RNF214: variants seen among roughly 807,000 people sequenced by gnomAD.
RNF214 encodes the protein ring finger protein 214.
RNF214 carries 25 observed loss-of-function variants against 75.9 expected under a neutral mutation model. The observed-to-expected ratio is 0.33, with a 90% confidence interval of 0.24 to 0.46. The LOEUF is 0.46. RNF214 is among the 20% of genes least tolerant of loss of function. RNF214 has a pLI of 1.00. For missense variants in RNF214, 725 were observed against 857.5 expected, an observed-to-expected ratio of 0.85 and a Z score of 1.93; for synonymous variants, 314 against 308.8, an observed-to-expected ratio of 1.02 and a Z score of -0.18.
intron 4 of RNF214, among the ~76,000 whole-genome samples, chr11:117,243,143 A>ATTT (rs1555052418): frequency 3.8e-3 from 260 of 68,898 alleles, no homozygotes; most frequent in East Asian, 7.7e-3. Context: ...TTAATTAATT[A>ATTT]ATTAATTTAT....
At chr11:117,249,221 A>G (rs1472900272) in intron 6 of RNF214, among the ~76,000 whole-genome samples, 1 of 152,134 alleles carries the variant, frequency 6.6e-6, no homozygotes, top group Non-Finnish European at 1.5e-5. Context: ...TACCGTGCCC[A>G]GCCTTTTTTT....
At chr11:117,238,270 G>T (rs1421819879) in intron 2 of RNF214, among the ~76,000 whole-genome samples, 1 of 152,220 alleles carries the variant, frequency 6.6e-6, no homozygotes, top group Non-Finnish European at 1.5e-5. Context: ...GCTGGGCGTA[G>T]TGGCATGTGC....
In RNF214 at chr11:117,282,356, C is replaced by T. The variant is rs746228922; in HGVS notation, c.1713-48C>T. The T allele has an allele frequency of 2.2e-5, 35 of 1,602,640 alleles. No homozygotes were observed. In the Admixed American group the frequency reaches 3.0e-4, roughly 14 times the overall value. On this transcript the variant is annotated intron_variant, in intron 11 of 14. Transcript: ENST00000300650. Reference sequence around the variant, plus strand: ...CAGAGGAGGTTACATGGGTGTTCCCCGTGGGTATAGCATAGGCTTTCTCTC... The same window carrying T: ...CAGAGGAGGTTACATGGGTGTTCCCTGTGGGTATAGCATAGGCTTTCTCTC...
intron 4 of RNF214, 26 bp downstream of exon 4, chr11:117,239,886 T>C (rs2134357501): frequency 8.3e-7 from 1 of 1,203,678 alleles, no homozygotes; most frequent in African/African-American, 1.5e-5. Flanking sequence ...GTCCTTGTTA[T>C]ATGAAGCCAT....
chr11:117,233,891 A>C (rs2032819042), intron 1 of RNF214, among the ~76,000 whole-genome samples: 1 of 152,250 alleles, frequency 6.6e-6, no homozygotes, highest in African/African-American at 2.4e-5. Context: ...TCTGATTGAT[A>C]CTAGGCCGAA....
At chr11:117,272,131 C>T (rs1333474276) in intron 6 of RNF214, among the ~76,000 whole-genome samples, 1 of 152,078 alleles carries the variant, frequency 6.6e-6, no homozygotes, top group Non-Finnish European at 1.5e-5. Context: ...GAGGCTGAGG[C>T]AGGAGAATCA....
chr11:117,239,259 A>G (rs2033004796), intron 3 of RNF214, 148 bp downstream of exon 3: 1 of 705,564 alleles, frequency 1.4e-6, no homozygotes, highest in East Asian at 2.6e-5. Flanking sequence ...ACTCTCATAC[A>G]GTGCCATACA....
intron 1 of RNF214, 45 bp from the exon 2 acceptor site, chr11:117,234,222 A>T: frequency 7.0e-7 from 1 of 1,425,916 alleles, no homozygotes; most frequent in Non-Finnish European, 9.9e-7. Context: ...CATTTGTTTT[A>T]AACTTTGGAA....
rs1237264223 is a variant in RNF214 at position 117,282,521 on chromosome 11, G to A, written c.1830G>A (p.Val610=). Residue 610 remains valine, a synonymous_variant, in exon 12 of 15, where the codon GTG becomes GTA. Coordinates refer to ENST00000300650, the MANE Select transcript of RNF214 (RefSeq NM_207343.4). ...VAARLAEHER[V]AASTQPLGRI... ...CACGACTGGCAGAACATGAGCGGGT[G>A]GCAGCAAGTACTCAGGTGAGAAAAG... The A allele has an allele frequency of 6.2e-7, 1 of 1,614,046 alleles. No homozygotes were observed. Among genetic ancestry groups the A allele is most frequent in the Admixed American group, 1.7e-5 (1 of 60,012 alleles).
intron 6 of RNF214, among the ~76,000 whole-genome samples, chr11:117,278,621 G>T (rs2034064584): frequency 6.6e-6 from 1 of 152,182 alleles, no homozygotes; most frequent in African/African-American, 2.4e-5. Context: ...GTCATGCTGA[G>T]TGGGGGGAAA....
chr11:117,257,021 A>G (rs1407911010), intron 6 of RNF214, among the ~76,000 whole-genome samples: 1 of 152,198 alleles, frequency 6.6e-6, no homozygotes, highest in East Asian at 1.9e-4. Flanking sequence ...CACTCTTTGC[A>G]ATAAAGTGAG....
At chr11:117,281,454 C>T (rs1007935932) in intron 9 of RNF214, 50 bp downstream of exon 9, 5 of 1,482,132 alleles carry the variant, frequency 3.4e-6, no homozygotes, top group Admixed American at 3.3e-5. Flanking sequence ...CTGTGCTTAA[C>T]ACTTCCAGCA....
intron 6 of RNF214, among the ~76,000 whole-genome samples, chr11:117,254,217 C>T (rs2033467401): frequency 6.6e-6 from 1 of 151,880 alleles, no homozygotes; most frequent in African/African-American, 2.4e-5. Flanking sequence ...CCACTGAACT[C>T]CAGCTTGGGT....
chr11:117,253,294 TA>T (rs1315983193), intron 6 of RNF214, among the ~76,000 whole-genome samples: 12 of 152,356 alleles, frequency 7.9e-5, no homozygotes, highest in Admixed American at 2.6e-4. Flanking sequence ...GTGCCTGGTC[TA>T]ATTATAATTT....
In RNF214 at chr11:117,238,752, G is replaced by A; in HGVS notation, c.259G>A (p.Val87Met). 1 of 1,614,132 alleles carries A rather than the reference G, an allele frequency of 6.2e-7. No individual in the cohort carries two copies. The highest frequency in any genetic ancestry group is 8.5e-7 in the Non-Finnish European group (1 of 1,180,034). The stretch of plus-strand genomic sequence containing the variant: ...AGGTGACACCTCAGCAGCGCACCAG[G>A]TGGTTTTAGGAGAAAACTTGATAGC... ...SAGDTSAAHQ[V>M]VLGENLIATA... Residue 87 changes from valine (V) to methionine (M), a missense_variant, in exon 3 of 15, where the codon GTG becomes ATG. Around this residue, in one of 2 missense-constraint regions of RNF214, gnomAD observed 362 missense variants for 344.5 expected, o/e 1.05. Transcript: ENST00000300650.
intron 6 of RNF214, among the ~76,000 whole-genome samples, chr11:117,264,196 G>A (rs951688404): frequency 8.7e-4 from 132 of 152,246 alleles, no homozygotes; most frequent in Non-Finnish European, 2.9e-4. Context: ...GGTGGCGGGC[G>A]CCTGTGGTCC....
chr11:117,233,586 C>T (rs536010599), intron 1 of RNF214, among the ~76,000 whole-genome samples: 2 of 152,270 alleles, frequency 1.3e-5, no homozygotes, highest in South Asian at 2.1e-4. Context: ...AAAAGGCGTC[C>T]GTCCCAGTTC....
intron 6 of RNF214, among the ~76,000 whole-genome samples, chr11:117,279,314 A>G (rs1408822190): frequency 6.8e-6 from 1 of 146,754 alleles, no homozygotes; most frequent in Non-Finnish European, 1.5e-5. Flanking sequence ...TAGCAAGTGG[A>G]GATACAAACT....
Position 117,282,098 on chromosome 11 carries a change from T to G in RNF214, c.1540T>G (p.Leu514Val). ...PGSHGRNSPGLGSLVSPHGPH... is the reference protein window; with the variant it reads ...PGSHGRNSPGVGSLVSPHGPH... Reference sequence around the variant, plus strand: ...CTCCCATGGCAGAAATAGCCCTGGCTTGGGTTCCCTTGTCAGCCCCCACGG... The same window carrying G: ...CTCCCATGGCAGAAATAGCCCTGGCGTGGGTTCCCTTGTCAGCCCCCACGG... The change falls in exon 11 of 15, where the codon TTG becomes GTG. Residue 514 changes from leucine to valine, a missense_variant. Leu to Val is a conservative substitution (Grantham distance 32). This residue lies in a region of RNF214 where 363 missense variants were observed against 513.0 expected (regional missense o/e 0.71). Coordinates refer to ENST00000300650, the MANE Select transcript of RNF214 (RefSeq NM_207343.4). 1.9e-6 allele frequency: 3 copies of G among 1,614,102 alleles called. No homozygotes were observed. The highest frequency in any genetic ancestry group is 2.5e-6 in the Non-Finnish European group (3 of 1,180,008).
Sources: gnomAD v4.1 joint callset for allele counts (sites outside exome capture counted in the v4.1 genomes callset) on GRCh38, gnomAD v4.1.1 for gene constraint, gnomAD v4.1.1 regional missense constraint, MANE v1.5 for transcripts, NCBI Gene and HGNC (gene_info 2026-07-23, HGNC 2026-07-21) for gene names.